The following NAALADL2 variants were observed in gnomAD, a reference collection of about 807,000 sequenced individuals.
NAALADL2 encodes inactive N-acetylated-alpha-linked acidic dipeptidase-like protein 2.
NAALADL2 carries 76 observed loss-of-function variants against 87.2 expected under a neutral mutation model. The ratio of observed to expected loss-of-function variants is 0.87; its 90% CI spans 0.72 to 1.05. The LOEUF (loss-of-function observed/expected upper bound fraction) is 1.05. Among genes scored for constraint, NAALADL2 ranks in the 50% least tolerant of loss-of-function variants. The pLI, the probability that NAALADL2 is intolerant of heterozygous loss-of-function variation, is 0.00. For synonymous variants in NAALADL2, 354 were observed against 331.0 expected (o/e 1.07, Z -0.75); for missense variants, 1,089 against 945.8 (o/e 1.15, Z -1.99).
chr3:174,891,240 C>T (rs1256917267), intron 1 of NAALADL2, among the ~76,000 whole-genome samples: 1 of 151,962 alleles, frequency 6.6e-6, no homozygotes, highest in Admixed American at 6.6e-5. Context: ...TGTTAGAATA[C>T]ACTCTAAGGT....
chr3:174,841,685 A>G (rs1333530887), intron 3 of NAALADL2, among the ~76,000 whole-genome samples: 1 of 152,198 alleles, frequency 6.6e-6, no homozygotes, highest in Non-Finnish European at 1.5e-5. Context: ...ATTTTTCTCT[A>G]TGCCAATAAT....
At chr3:174,851,921 A>G (rs1725303045) in intron 3 of NAALADL2, among the ~76,000 whole-genome samples, 1 of 152,186 alleles carries the variant, frequency 6.6e-6, no homozygotes, top group South Asian at 2.1e-4. Context: ...CGATGGTTCA[A>G]CATATGCAAA....
intron 2 of NAALADL2, among the ~76,000 whole-genome samples, chr3:174,710,390 G>T (rs1228971136): frequency 6.6e-6 from 1 of 151,864 alleles, no homozygotes; most frequent in Non-Finnish European, 1.5e-5. Context: ...GAGTAGCTGG[G>T]ATTACAAGAA....
At chr3:174,791,275 G>A (rs2109202577) in intron 3 of NAALADL2, among the ~76,000 whole-genome samples, 1 of 152,232 alleles carries the variant, frequency 6.6e-6, no homozygotes, top group Non-Finnish European at 1.5e-5. Flanking sequence ...CAACTGCTGT[G>A]GTCTGAATGT....
intron 11 of NAALADL2, among the ~76,000 whole-genome samples, chr3:175,658,135 G>A (rs982609702): frequency 1.8e-4 from 28 of 151,892 alleles, no homozygotes; most frequent in Non-Finnish European, 3.8e-4. Context: ...CTCTCTAGTT[G>A]GATTGCTAGA....
chr3:175,097,362 C>T, intron 2 of NAALADL2, 71 bp downstream of exon 2: 1 of 1,382,780 alleles, frequency 7.2e-7, no homozygotes, highest in Non-Finnish European at 9.9e-7. Context: ...GGGTATTGAA[C>T]TGATGATTTT....
intron 10 of NAALADL2, among the ~76,000 whole-genome samples, chr3:175,588,376 T>C (rs1720851531): frequency 6.6e-6 from 1 of 151,990 alleles, no homozygotes; most frequent in Non-Finnish European, 1.5e-5. Flanking sequence ...ATTCCCAGGA[T>C]ATGGTTGAAA....
intron 1 of NAALADL2, among the ~76,000 whole-genome samples, chr3:174,960,610 C>T (rs1301900272): frequency 5.9e-5 from 9 of 151,860 alleles, no homozygotes; most frequent in Admixed American, 2.6e-4. Context: ...ATCTAGATAT[C>T]GATAGCTTTT....
chr3:174,467,596 T>TAAAAA (rs58227642), intron 1 of NAALADL2, among the ~76,000 whole-genome samples: 1 of 59,602 alleles, frequency 1.7e-5, no homozygotes, highest in African/African-American at 7.5e-5. Context: ...CCATCTCAGT[T>TAAAAA]AAAAAAAAAA....
intron 5 of NAALADL2, among the ~76,000 whole-genome samples, chr3:175,377,487 G>A (rs531058288): frequency 2.6e-5 from 4 of 152,162 alleles, no homozygotes; most frequent in South Asian, 2.1e-4. Context: ...CTTTGTGAAT[G>A]TTACATGGCT....
At chr3:175,751,796 T>G (rs1304015994) in intron 12 of NAALADL2, among the ~76,000 whole-genome samples, 3 of 152,146 alleles carry the variant, frequency 2.0e-5, no homozygotes. Flanking sequence ...AGCCTCAGTT[T>G]GTCCTCTTTT....
intron 5 of NAALADL2, among the ~76,000 whole-genome samples, chr3:175,338,516 A>T (rs937911745): frequency 1.3e-5 from 2 of 148,574 alleles, no homozygotes; most frequent in African/African-American, 2.5e-5. Context: ...ATTTATCAGG[A>T]CCCCAGTTTT....
intron 11 of NAALADL2, among the ~76,000 whole-genome samples, chr3:175,641,424 T>C (rs1489699200): frequency 1.3e-5 from 2 of 152,232 alleles, no homozygotes; most frequent in Non-Finnish European, 2.9e-5. Flanking sequence ...TATAAATTCC[T>C]TGAGGGTAGA....
chr3:174,750,567 G>T (rs937720534), intron 3 of NAALADL2, among the ~76,000 whole-genome samples: 2 of 152,030 alleles, frequency 1.3e-5, no homozygotes, highest in Non-Finnish European at 2.9e-5. Flanking sequence ...CTGAGTAGCT[G>T]GGATTAAAGG....
At chr3:175,072,077 A>T (rs895601773) in intron 1 of NAALADL2, among the ~76,000 whole-genome samples, 1 of 152,074 alleles carries the variant, frequency 6.6e-6, no homozygotes, top group Non-Finnish European at 1.5e-5. Context: ...CACAGTGTAA[A>T]ACCCACAACA....
intron 9 of NAALADL2, among the ~76,000 whole-genome samples, chr3:175,497,833 G>A (rs1417300182): frequency 6.6e-6 from 1 of 152,036 alleles, no homozygotes; most frequent in African/African-American, 2.4e-5. Flanking sequence ...TCATAACTAA[G>A]TTTCAGTTTG....
At chr3:175,368,549 A>G (rs1765984426) in intron 5 of NAALADL2, among the ~76,000 whole-genome samples, 1 of 149,128 alleles carries the variant, frequency 6.7e-6, no homozygotes, top group African/African-American at 2.5e-5. Context: ...TATACTTTGA[A>G]AGGACTGTAG....
rs2110100475 is a variant in NAALADL2, at chr3:175,284,403, T to TTATAA, written c.939+27873_939+27874insTATAA. Among the ~76,000 whole-genome samples the TTATAA allele has an allele frequency of 2.0e-5, 3 of 152,224 alleles. No homozygotes were observed. In the South Asian group the frequency reaches 6.2e-4, roughly 32 times the overall value. On this transcript the variant is annotated intron_variant, in intron 4 of 13. Coordinates refer to ENST00000454872, the MANE Select transcript of NAALADL2 (RefSeq NM_207015.3). ...TTCATTTTCTTATACTATTATATTC[T>TTATAA]GATTATATTATGTCTTCCATTTGGA...
At chr3:174,967,386 A>G (rs1743032545) in intron 1 of NAALADL2, among the ~76,000 whole-genome samples, 1 of 151,234 alleles carries the variant, frequency 6.6e-6, no homozygotes, top group Non-Finnish European at 1.5e-5. Flanking sequence ...AAAAAAAAAA[A>G]AGAAAAAAGG....
Sources: allele counts gnomAD v4.1 joint callset (sites outside exome capture counted in the v4.1 genomes callset), GRCh38; gene constraint gnomAD v4.1.1; transcripts MANE v1.5; gene names NCBI Gene and HGNC (gene_info 2026-07-23, HGNC 2026-07-21).